Variants in MAN2B1 observed in about 807,000 individuals in gnomAD.
MAN2B1 encodes mannosidase alpha class 2B member 1, also known as lysosomal alpha-mannosidase.
In MAN2B1, 99 loss-of-function variants were observed where a neutral mutation model predicts 127.5. That is an observed-to-expected ratio of 0.78 (90% CI 0.66 to 0.92). The LOEUF is 0.92. Among genes scored for constraint, MAN2B1 ranks in the 40% least tolerant of loss-of-function variants. MAN2B1 has a pLI of 0.00. For missense variants in MAN2B1, 1,304 were observed against 1,384.8 expected (o/e 0.94, Z 0.93); for synonymous variants, 573 against 568.8 (o/e 1.01, Z -0.11).
intron 1 of MAN2B1, 134 bp downstream of exon 1, chr19:12,666,409 C>A: frequency 1.0e-6 from 1 of 990,776 alleles, no homozygotes; most frequent in South Asian, 1.4e-5. Flanking sequence ...TGACACAAAG[C>A]ACGCACTCAG....
Position 12,647,252 on chromosome 19 carries a change from G to C in MAN2B1, c.2904C>G (p.Leu968=), listed in dbSNP as rs1385225045. 2 of 1,613,846 alleles carry C rather than the reference G, an allele frequency of 1.2e-6. No individual in the cohort carries two copies. The highest frequency in any genetic ancestry group is 1.7e-6 in the Non-Finnish European group (2 of 1,179,950). ...CCCCACCTGTGTTTGTTGTCCACTTGAGCCTGGAGGCTGCCTCGCGGAGCT... is the reference window on the plus strand; with the variant it reads ...CCCCACCTGTGTTTGTTGTCCACTTCAGCCTGGAGGCTGCCTCGCGGAGCT... The part of the protein sequence containing the change: ...ANQLREAASR[L]KWTTNTGPTP... The change falls in exon 23 of 24, where the codon CTC becomes CTG. Residue 968 remains leucine (L), a synonymous_variant. Coordinates refer to ENST00000456935, the MANE Select transcript of MAN2B1 (RefSeq NM_000528.4). The surrounding 1 kb of genome is among the most constrained non-coding windows in gnomAD (Gnocchi z 4.9).
chr19:12,662,326 T>G (rs1250429003), intron 6 of MAN2B1, among the ~76,000 whole-genome samples: 1 of 152,014 alleles, frequency 6.6e-6, no homozygotes, highest in Non-Finnish European at 1.5e-5. Context: ...AAAATAATGT[T>G]TTTTAATTAT....
rs1053743819 is a variant in MAN2B1 at position 12,647,870 on chromosome 19, G to A, written c.2665-272C>T. The stretch of plus-strand genomic sequence containing the variant: ...GGAGTTACGGCGGGGCTGAAGCCGC[G>A]GGGCTGGGTGAGGCAGGACAGAGCC... On this transcript the variant is annotated intron_variant, in intron 21 of 23. Transcript: ENST00000456935. This position sits in a 1 kb window ranked among gnomAD's most constrained non-coding sequence, Gnocchi z 4.9. 6.6e-6 allele frequency among the ~76,000 whole-genome samples: 1 copy of A among 151,950 alleles called. No homozygotes were observed. The highest frequency in any genetic ancestry group is 6.5e-5 in the Admixed American group (1 of 15,272).
Position 12,664,674 on chromosome 19 carries a change from C to CAGGCCT in MAN2B1, c.630+112_630+117dup, listed in dbSNP as rs2024183702. The CAGGCCT allele has an allele frequency of 1.5e-5, 17 of 1,110,632 alleles. No individual in the cohort carries two copies. The South Asian group carries it at 1.8e-4, about 12-fold the overall frequency. The allele number at this position is 1,110,632 out of a possible 1,614,324, so 68.8% of individuals were successfully genotyped here. On this transcript the variant is annotated intron_variant, in intron 4 of 23. Coordinates refer to ENST00000456935, the MANE Select transcript of MAN2B1 (RefSeq NM_000528.4). ...GCTCACTCAAGGGGCAGGGCTTCAA[C>CAGGCCT]AGGCCTAGGCCTGGGCCTGGTCCTT...
Position 12,647,343 on chromosome 19 carries a change from G to T in MAN2B1, c.2821-8C>A. ...GAAGGTGGAGAACAGGTCCTGCGGG[G>T]AAGGGGATGGGCCCAGATGAGTTGG... On this transcript the variant is annotated splice_region_variant and splice_polypyrimidine_tract_variant and intron_variant, in intron 22 of 23. Coordinates refer to ENST00000456935, the MANE Select transcript of MAN2B1 (RefSeq NM_000528.4). This position sits in a 1 kb window ranked among gnomAD's most constrained non-coding sequence, Gnocchi z 4.9. The T allele has an allele frequency of 4.3e-6, 7 of 1,613,584 alleles. No homozygotes were observed. Among genetic ancestry groups the T allele is most frequent in the Non-Finnish European group, 5.9e-6 (7 of 1,179,512 alleles).
chr19:12,647,102 G>T lies in MAN2B1; in HGVS notation c.2923+131C>A. On this transcript the variant is annotated intron_variant, in intron 23 of 23. Coordinates refer to ENST00000456935, the MANE Select transcript of MAN2B1 (RefSeq NM_000528.4). This position sits in a 1 kb window ranked among gnomAD's most constrained non-coding sequence, Gnocchi z 4.9. ...TCAGATCCTTTAAGCCCCTAACCTG[G>T]GTCTGGACTCTGCCCCATACCCTCA... 2 of 852,498 alleles carry T rather than the reference G, an allele frequency of 2.3e-6. No individual in the cohort carries two copies. The highest frequency in any genetic ancestry group is 3.9e-6 in the Non-Finnish European group (2 of 507,950). 52.8% of individuals were successfully genotyped at this position (852,498 alleles called of 1,614,324 possible). A position where few individuals can be genotyped will look rare whatever the true frequency, so the allele number is the denominator to read the frequency against.
intron 7 of MAN2B1, among the ~76,000 whole-genome samples, chr19:12,660,580 G>C (rs968814738): frequency 3.3e-5 from 5 of 152,098 alleles, no homozygotes; most frequent in African/African-American, 1.2e-4. Flanking sequence ...CAGAAACAGG[G>C]TCAGAAAGAT....
rs139473562 is a variant in MAN2B1, at chr19:12,652,164, G to A, written c.2035C>T (p.His679Tyr). The A allele has an allele frequency of 1.2e-6, 2 of 1,613,600 alleles. No individual in the cohort carries two copies. Among genetic ancestry groups the A allele is most frequent in the East Asian group, 2.2e-5 (1 of 44,892 alleles). The change falls in exon 16 of 24, where the codon CAC becomes TAC. Residue 679 changes from histidine to tyrosine, a missense_variant. Transcript: ENST00000456935. Reference protein sequence around the residue: ...PLPVSRWAQIHLVKTPLVQEV... With the variant: ...PLPVSRWAQIYLVKTPLVQEV... ...TCCTAGTCCCTGACCTTCACCAGGT[G>A]GATCTGAGCCCAGCGGCTCACAGGC...
intron 13 of MAN2B1, 182 bp downstream of exon 13, chr19:12,656,389 G>A: frequency 1.7e-6 from 1 of 593,614 alleles, no homozygotes; most frequent in Non-Finnish European, 3.0e-6. Flanking sequence ...ACCACTCACA[G>A]GAGGCATATG....
rs1192615278 is a variant in MAN2B1, at chr19:12,647,213, A to AC, written c.2923+19dup. 3.1e-6 allele frequency: 5 copies of AC among 1,602,328 alleles called. No individual in the cohort carries two copies. The highest frequency in any genetic ancestry group is 4.3e-6 in the Non-Finnish European group (5 of 1,169,896). ...CCAGGTAAGACTCCACCCCTTCCCT[A>AC]CCCCTGACCAGGGCCCCACCTGTGT... On this transcript the variant is annotated intron_variant, in intron 23 of 23. Transcript: ENST00000456935. This position sits in a 1 kb window ranked among gnomAD's most constrained non-coding sequence, Gnocchi z 4.9.
intron 1 of MAN2B1, 98 bp downstream of exon 1, chr19:12,666,445 T>C: frequency 7.4e-7 from 1 of 1,354,570 alleles, no homozygotes; most frequent in Non-Finnish European, 1.0e-6. Context: ...CATCAGCCAT[T>C]CACTAGACAC....
chr19:12,656,242 T>C, intron 13 of MAN2B1: 1 of 439,972 alleles, frequency 2.3e-6, no homozygotes, highest in Non-Finnish European at 4.1e-6. Flanking sequence ...GGTATTAAAA[T>C]GGAGGACCAG....
At chr19:12,651,206 G>A (rs904364535) in intron 16 of MAN2B1, among the ~76,000 whole-genome samples, 1 of 152,108 alleles carries the variant, frequency 6.6e-6, no homozygotes, top group African/African-American at 2.4e-5. Flanking sequence ...CTTGGCACAT[G>A]GCTACCTGGG....
chr19:12,648,530 A>G, intron 20 of MAN2B1, 128 bp from the exon 21 acceptor site: 2 of 733,204 alleles, frequency 2.7e-6, no homozygotes, highest in Non-Finnish European at 2.3e-6. Context: ...ATGAGGATGA[A>G]GGTGAGGGTC....
Position 12,648,298 on chromosome 19 carries a change from G to C in MAN2B1, c.2541C>G (p.Asp847Glu). ...WVRGRHLVLL[D>E]TAQAAAAGHR... ...GTCCGGCGGCTGCAGCCTGGGCTGTGTCCAGCAGCACCAGGTGGCGCCCTC... is the reference window on the plus strand; with the variant it reads ...GTCCGGCGGCTGCAGCCTGGGCTGTCTCCAGCAGCACCAGGTGGCGCCCTC... Residue 847 changes from aspartate (D) to glutamate (E), a missense_variant, in exon 21 of 24, where the codon GAC (aspartate) becomes GAG (glutamate). Physicochemically the swap from Asp to Glu is conservative, Grantham distance 45. Coordinates refer to ENST00000456935, the MANE Select transcript of MAN2B1 (RefSeq NM_000528.4). 6.2e-7 allele frequency: 1 copy of C among 1,612,718 alleles called. No individual in the cohort carries two copies. Among genetic ancestry groups the C allele is most frequent in the Non-Finnish European group, 8.5e-7 (1 of 1,179,742 alleles).
Position 12,664,920 on chromosome 19 carries a change from T to C in MAN2B1, c.502A>G (p.Ile168Val). 1 of 1,614,124 alleles carries C rather than the reference T, an allele frequency of 6.2e-7. No individual in the cohort carries two copies. Among genetic ancestry groups the C allele is most frequent in the Non-Finnish European group, 8.5e-7 (1 of 1,179,962 alleles). Residue 168 changes from isoleucine (I) to valine (V), a missense_variant, in exon 4 of 24, where the codon ATC becomes GTC. Physicochemically the swap from Ile to Val is conservative, Grantham distance 29 (BLOSUM62 3). Transcript: ENST00000456935. ...AGCCCAAGTGTCATCTGGTCCACGA[T>C]GGCACCGTAGTGGGTGGCTGCCTCA... ...NDEAATHYGA[I>V]VDQMTLGLRF...
chr19:12,661,360 GT>G lies in MAN2B1; in HGVS notation c.925del (p.Thr309ProfsTer5), dbSNP rs1430660233. 1 of 1,613,140 alleles carries G rather than the reference GT, an allele frequency of 6.2e-7. No homozygotes were observed. The highest frequency in any genetic ancestry group is 8.5e-7 in the Non-Finnish European group (1 of 1,179,108). ...GCCCATGGTCATCACAGTGTGGTTG[GT>G]GCGGTAATACCGGCCCTGCAGGCAA... ...VATAQGRYYR[T>X]NHTVMTMGSD... On this transcript the variant is annotated frameshift_variant, in exon 7 of 24. Transcript: ENST00000456935. LOFTEE classifies it high-confidence loss of function.
At chr19:12,654,855 T>C (rs570982965) in intron 14 of MAN2B1, among the ~76,000 whole-genome samples, 1 of 152,140 alleles carries the variant, frequency 6.6e-6, no homozygotes, top group African/African-American at 2.4e-5. Flanking sequence ...TTGTAGAGAC[T>C]GGGTTTCACC....
chr19:12,665,916 A>G, intron 1 of MAN2B1, 111 bp from the exon 2 acceptor site: 2 of 826,148 alleles, frequency 2.4e-6, no homozygotes, highest in Non-Finnish European at 4.0e-6. Flanking sequence ...GATCTCGCCT[A>G]TGTGCAGAGG....
Sources: gnomAD v4.1 joint callset for allele counts (sites outside exome capture counted in the v4.1 genomes callset) on GRCh38, gnomAD v4.1.1 for gene constraint, Gnocchi (gnomAD v3.1) non-coding constraint, MANE v1.5 for transcripts, NCBI Gene and HGNC (gene_info 2026-07-23, HGNC 2026-07-21) for gene names.